The following ABCG1 variants were observed in gnomAD, a reference collection of about 807,000 sequenced individuals.
ABCG1 encodes ATP-binding cassette sub-family G member 1.
In ABCG1, 29 loss-of-function variants were observed where a neutral mutation model predicts 69.2. That is an observed-to-expected ratio of 0.42 (90% CI 0.31 to 0.57). ABCG1 has a LOEUF of 0.57. Ranked by LOEUF, ABCG1 falls within the 20% of genes least tolerant of loss-of-function variation. The pLI, the probability that ABCG1 is intolerant of heterozygous loss-of-function variation, is 0.15. For synonymous variants in ABCG1, 370 were observed against 374.8 expected (o/e 0.99, Z 0.15); for missense variants, 718 against 898.1 (o/e 0.80, Z 2.56).
intron 2 of ABCG1, among the ~76,000 whole-genome samples, chr21:42,244,905 AC>A (rs1437074618): frequency 3.9e-5 from 6 of 152,248 alleles, no homozygotes; most frequent in African/African-American, 1.4e-4. Flanking sequence ...AGGGCTGTTG[AC>A]TTGGCTGGAG....
upstream of ABCG1, among the ~76,000 whole-genome samples, chr21:42,215,924 T>A (rs1489465959): frequency 6.6e-6 from 1 of 152,204 alleles, no homozygotes; most frequent in Non-Finnish European, 1.5e-5. Context: ...TGATATAGTT[T>A]GGCTGTGTCC....
At chr21:42,280,262 A>G (rs776615618) in intron 5 of ABCG1, among the ~76,000 whole-genome samples, 32 of 152,368 alleles carry the variant, frequency 2.1e-4, no homozygotes, top group Non-Finnish European at 3.8e-4. Flanking sequence ...ATGTGCACCT[A>G]GGTCAAAGTT....
upstream of ABCG1, among the ~76,000 whole-genome samples, chr21:42,212,510 C>T (rs1356199148): frequency 6.6e-6 from 1 of 152,110 alleles, no homozygotes; most frequent in East Asian, 1.9e-4. Context: ...GGAGGAAAGG[C>T]CATTCTTGTG....
At chr21:42,209,891 A>G (rs900473588) in intron 2 of ABCG1, among the ~76,000 whole-genome samples, 1 of 152,202 alleles carries the variant, frequency 6.6e-6, no homozygotes, top group African/African-American at 2.4e-5. Flanking sequence ...AGTTTGTTTA[A>G]AGAGCCGCCA....
chr21:42,219,891 G>T lies in ABCG1; in HGVS notation c.42+587G>T. ...GGGGAGGCGGCGGCGAAGGCCCGGGGAGACCCGCGAGGGGCAAGCCCGGAT... is the reference window on the plus strand; with the variant it reads ...GGGGAGGCGGCGGCGAAGGCCCGGGTAGACCCGCGAGGGGCAAGCCCGGAT... On this transcript the variant is annotated intron_variant, in intron 1 of 14. Coordinates refer to ENST00000398449, the MANE Select transcript of ABCG1 (RefSeq NM_016818.3). The surrounding 1 kb of genome is among the most constrained non-coding windows in gnomAD (Gnocchi z 5.3). 1 of 1,545,734 alleles carries T rather than the reference G, an allele frequency of 6.5e-7. No individual in the cohort carries two copies. Among genetic ancestry groups the T allele is most frequent in the African/African-American group, 1.4e-5 (1 of 73,064 alleles).
At chr21:42,207,308 A>G (rs980627055) in intron 2 of ABCG1, among the ~76,000 whole-genome samples, 1 of 151,930 alleles carries the variant, frequency 6.6e-6, no homozygotes, top group African/African-American at 2.4e-5. Flanking sequence ...GATGATTTCT[A>G]TTGTTCCATT....
chr21:42,255,497 C>T (rs1225274290), intron 2 of ABCG1, among the ~76,000 whole-genome samples: 2 of 152,030 alleles, frequency 1.3e-5, no homozygotes, highest in Non-Finnish European at 2.9e-5. Context: ...GTGTGCATGG[C>T]ATGGGTGTGT....
chr21:42,273,382 A>G lies in ABCG1; in HGVS notation c.484A>G (p.Ile162Val). ...CTGCTTCCGGAAGGTGTCCTGCTACATCATGCAGGATGACATGCTGCTGCC... is the reference window on the plus strand; with the variant it reads ...CTGCTTCCGGAAGGTGTCCTGCTACGTCATGCAGGATGACATGCTGCTGCC... ...LRCFRKVSCY[I>V]MQDDMLLPHL... The change falls in exon 4 of 15, where the codon ATC (isoleucine) becomes GTC (valine). Residue 162 changes from isoleucine (I) to valine (V), a missense_variant. Around this residue, in one of 2 missense-constraint regions of ABCG1, gnomAD observed 514 missense variants for 574.3 expected, o/e 0.90. Coordinates refer to ENST00000398449, the MANE Select transcript of ABCG1 (RefSeq NM_016818.3). The surrounding 1 kb of genome is among the most constrained non-coding windows in gnomAD (Gnocchi z 5.3). 2 of 1,613,888 alleles carry G rather than the reference A, an allele frequency of 1.2e-6. No individual in the cohort carries two copies. Among genetic ancestry groups the G allele is most frequent in the Non-Finnish European group, 8.5e-7 (1 of 1,179,958 alleles).
intron 2 of ABCG1, among the ~76,000 whole-genome samples, chr21:42,247,974 C>T (rs1322461646): frequency 3.9e-5 from 6 of 152,158 alleles, no homozygotes; most frequent in Non-Finnish European, 7.4e-5. Flanking sequence ...CGATTTTGAA[C>T]TTCTGCCCTC....
At chr21:42,228,174 G>A (rs752016493) in intron 2 of ABCG1, among the ~76,000 whole-genome samples, 15 of 152,180 alleles carry the variant, frequency 9.9e-5, no homozygotes, top group African/African-American at 3.1e-4. Flanking sequence ...AGCGCAGCCC[G>A]GGCGGGGTGG....
chr21:42,221,174 T>C (rs1185043025), intron 1 of ABCG1: 4 of 152,174 alleles, frequency 2.6e-5, no homozygotes, highest in Admixed American at 6.5e-5. Context: ...TTTCTATTCA[T>C]GCACAGCTGT....
chr21:42,266,309 T>TAAATGAAATA (rs1555957334), intron 2 of ABCG1, among the ~76,000 whole-genome samples: 2 of 150,710 alleles, frequency 1.3e-5, no homozygotes, highest in African/African-American at 4.9e-5. Flanking sequence ...TCAAAATAAA[T>TAAATGAAATA]AAATAAAATA....
At chr21:42,209,473 A>G (rs1202106267) in intron 2 of ABCG1, among the ~76,000 whole-genome samples, 1 of 152,210 alleles carries the variant, frequency 6.6e-6, no homozygotes, top group Non-Finnish European at 1.5e-5. Context: ...AATATTAGTG[A>G]GATGCTGGAA....
intron 13 of ABCG1, among the ~76,000 whole-genome samples, chr21:42,292,122 C>T (rs547200652): frequency 2.6e-5 from 4 of 152,156 alleles, no homozygotes; most frequent in Non-Finnish European, 4.4e-5. Flanking sequence ...CCCTGCCCCC[C>T]GACCTGCCGC....
chr21:42,256,792 G>A (rs1169071722), intron 2 of ABCG1, among the ~76,000 whole-genome samples: 1 of 152,204 alleles, frequency 6.6e-6, no homozygotes, highest in African/African-American at 2.4e-5. Flanking sequence ...GAAGCCTTAG[G>A]TCCACTCTCC....
Position 42,296,379 on chromosome 21 carries a change from G to T in ABCG1, c.1988G>T (p.Arg663Leu), listed in dbSNP as rs755897014. 1 of 1,613,520 alleles carries T rather than the reference G, an allele frequency of 6.2e-7. No individual in the cohort carries two copies. The highest frequency in any genetic ancestry group is 8.5e-7 in the Non-Finnish European group (1 of 1,179,942). Residue 663 changes from arginine (R) to leucine (L), a missense_variant, in exon 15 of 15, where the codon CGG (arginine) becomes CTG (leucine). Physicochemically the swap from Arg to Leu is moderately radical, Grantham distance 102. Around this residue, in one of 2 missense-constraint regions of ABCG1, gnomAD observed 204 missense variants for 323.8 expected, o/e 0.63. Transcript: ENST00000398449. The surrounding 1 kb of genome is among the most constrained non-coding windows in gnomAD (Gnocchi z 5.4). ...TATTTTGTCCTCAGGTACAAAATCC[G>T]GGCAGAGAGGTAAAACACCTGAATG... The part of the protein sequence containing the change: ...IAYFVLRYKI[R>L]AER
chr21:42,209,752 T>C lies in ABCG1; in HGVS notation c.48+8029T>C, dbSNP rs532228294. Among the ~76,000 whole-genome samples, 13 of 152,362 alleles carry C rather than the reference T, an allele frequency of 8.5e-5. No individual in the cohort carries two copies. In the East Asian group the frequency reaches 1.7e-3, roughly 20 times the overall value. On this transcript the variant is annotated intron_variant, in intron 2 of 15. Coordinates refer to the ABCG1 transcript ENST00000398457. ...ATAGTGAGCACCAGCATTTATAAGA[T>C]GCACACTATGTGCCGGCCATGGCTT...
chr21:42,205,445 A>T (rs981019700), intron 2 of ABCG1, among the ~76,000 whole-genome samples: 1 of 152,076 alleles, frequency 6.6e-6, no homozygotes, highest in African/African-American at 2.4e-5. Context: ...CTAAAAATAC[A>T]AAAATTAGCT....
At chr21:42,292,692 C>T (rs2069089499) in intron 13 of ABCG1, among the ~76,000 whole-genome samples, 1 of 137,684 alleles carries the variant, frequency 7.3e-6, no homozygotes, top group Non-Finnish European at 1.6e-5. Flanking sequence ...ACGGTGCACA[C>T]CACACACTAC....
Sources: gnomAD v4.1 joint callset for allele counts (sites outside exome capture counted in the v4.1 genomes callset) on GRCh38, gnomAD v4.1.1 for gene constraint, gnomAD v4.1.1 regional missense constraint, Gnocchi (gnomAD v3.1) non-coding constraint, MANE v1.5 for transcripts, NCBI Gene and HGNC (gene_info 2026-07-23, HGNC 2026-07-21) for gene names.